Variants in CNTNAP4 observed in about 807,000 individuals in gnomAD.
CNTNAP4 encodes the protein contactin-associated protein-like 4.
CNTNAP4 carries 98 observed loss-of-function variants against 148.4 expected under a neutral mutation model. That is an observed-to-expected ratio of 0.66 (90% CI 0.56 to 0.78). CNTNAP4 has a LOEUF of 0.78. CNTNAP4 is among the 30% of genes least tolerant of loss of function. The pLI is 0.00. For synonymous variants in CNTNAP4, 730 were observed against 565.1 expected (o/e 1.29, Z -4.14); for missense variants, 1,935 against 1,565.6 (o/e 1.24, Z -3.98).
intron 4 of CNTNAP4, among the ~76,000 whole-genome samples, chr16:76,437,609 C>T (rs2145121245): frequency 6.6e-6 from 1 of 152,140 alleles, no homozygotes; most frequent in South Asian, 2.1e-4. Context: ...GAAAAAGCCC[C>T]ATTGATCACC....
At chr16:76,317,291 A>C (rs1472562048) in intron 2 of CNTNAP4, among the ~76,000 whole-genome samples, 39 of 73,498 alleles carry the variant, frequency 5.3e-4, no homozygotes, top group African/African-American at 1.5e-3. Context: ...AAAAAAAAAA[A>C]CCCAAAAAAC....
intron 18 of CNTNAP4, 27 bp from the exon 19 acceptor site, chr16:76,538,089 C>T: frequency 1.9e-6 from 2 of 1,041,394 alleles, no homozygotes; most frequent in African/African-American, 1.7e-5. Context: ...AAATTTTTAA[C>T]AAAAATATAT....
At chr16:76,432,091 T>A (rs4887858) in intron 4 of CNTNAP4, among the ~76,000 whole-genome samples, 150,448 of 152,266 alleles carry the variant, frequency 0.99, 74,351 homozygotes, top group East Asian at 1. Flanking sequence ...CTATGTTTGA[T>A]CGACTACTCA....
At chr16:76,482,701 C>T (rs1417046900) in intron 12 of CNTNAP4, among the ~76,000 whole-genome samples, 1 of 152,164 alleles carries the variant, frequency 6.6e-6, no homozygotes, top group South Asian at 2.1e-4. Flanking sequence ...CAAAACAGCC[C>T]AAACAAATGG....
At chr16:76,518,993 C>G (rs924123039) in intron 15 of CNTNAP4, among the ~76,000 whole-genome samples, 6 of 152,154 alleles carry the variant, frequency 3.9e-5, no homozygotes, top group African/African-American at 1.4e-4. Context: ...GCTCTGTTTC[C>G]TCCCTCTCTT....
At chr16:76,380,469 T>C (rs1384117578) in intron 3 of CNTNAP4, among the ~76,000 whole-genome samples, 1 of 152,226 alleles carries the variant, frequency 6.6e-6, no homozygotes, top group African/African-American at 2.4e-5. Flanking sequence ...TGCTATACTT[T>C]AAAGGGAAAT....
intron 13 of CNTNAP4, among the ~76,000 whole-genome samples, chr16:76,490,321 G>A (rs1025317364): frequency 6.6e-6 from 1 of 152,176 alleles, no homozygotes; most frequent in Non-Finnish European, 1.5e-5. Flanking sequence ...CAGCCTCTGG[G>A]TATAATGGAA....
chr16:76,382,163 C>A (rs914137475), intron 3 of CNTNAP4, among the ~76,000 whole-genome samples: 1 of 149,710 alleles, frequency 6.7e-6, no homozygotes, highest in African/African-American at 2.5e-5. Flanking sequence ...TTTTAACATG[C>A]CTTGTTTTTC....
intron 10 of CNTNAP4, 85 bp downstream of exon 10, chr16:76,467,608 T>C: frequency 9.0e-7 from 1 of 1,115,246 alleles, no homozygotes; most frequent in South Asian, 1.7e-5. Flanking sequence ...CAATTATTCT[T>C]TCCTCTTCCC....
intron 3 of CNTNAP4, among the ~76,000 whole-genome samples, chr16:76,419,932 C>T (rs1597478764): frequency 6.6e-6 from 1 of 152,104 alleles, no homozygotes; most frequent in Non-Finnish European, 1.5e-5. Flanking sequence ...CACCTCATGA[C>T]CTTATCAAAA....
At chr16:76,375,602 C>G (rs374778271) in intron 3 of CNTNAP4, among the ~76,000 whole-genome samples, 5 of 152,244 alleles carry the variant, frequency 3.3e-5, no homozygotes, top group East Asian at 3.9e-4. Context: ...GTGAATCATT[C>G]TCTTCTCTCC....
chr16:76,422,702 C>G (rs1489563473), intron 3 of CNTNAP4, among the ~76,000 whole-genome samples: 1 of 150,344 alleles, frequency 6.7e-6, no homozygotes, highest in African/African-American at 2.5e-5. Context: ...GGCACATAAC[C>G]TCTATAATTT....
chr16:76,405,378 T>C (rs1568030258), intron 3 of CNTNAP4, among the ~76,000 whole-genome samples: 2 of 152,186 alleles, frequency 1.3e-5, no homozygotes, highest in African/African-American at 2.4e-5. Context: ...TAAATTTTAG[T>C]TGACTTTTGG....
intron 3 of CNTNAP4, among the ~76,000 whole-genome samples, chr16:76,423,080 GA>G (rs1427927534): frequency 6.6e-6 from 1 of 152,138 alleles, no homozygotes; most frequent in African/African-American, 2.4e-5. Context: ...GGCATTCTAT[GA>G]AACATGAAGT....
chr16:76,321,802 A>G (rs1211107953), intron 2 of CNTNAP4, among the ~76,000 whole-genome samples: 1 of 148,042 alleles, frequency 6.8e-6, no homozygotes, highest in Non-Finnish European at 1.5e-5. Context: ...AAAAAAAAAA[A>G]AAAAACTTTA....
chr16:76,302,290 T>C (rs879742708), intron 1 of CNTNAP4, among the ~76,000 whole-genome samples: 2 of 152,144 alleles, frequency 1.3e-5, no homozygotes, highest in South Asian at 4.1e-4. Flanking sequence ...TGAAAAGAGC[T>C]GAAGGACCTA....
Position 76,357,177 on chromosome 16 carries a change from A to G in CNTNAP4, c.390+1666A>G, listed in dbSNP as rs546936510. On this transcript the variant is annotated intron_variant, in intron 3 of 23. Coordinates refer to ENST00000611870, the MANE Select transcript of CNTNAP4 (RefSeq NM_033401.5). ...AAACAGTAATTATGAACCAATAACA[A>G]TAAAAACTTAATGAGATATTTATTT... Among the ~76,000 whole-genome samples the G allele has an allele frequency of 2.0e-5, 3 of 152,328 alleles. No homozygotes were observed. The South Asian group carries it at 6.2e-4, about 32-fold the overall frequency.
intron 3 of CNTNAP4, among the ~76,000 whole-genome samples, chr16:76,413,570 A>C (rs541963148): frequency 6.6e-6 from 1 of 150,546 alleles, no homozygotes; most frequent in East Asian, 1.9e-4. Flanking sequence ...CAGTAAAAAA[A>C]AAACCCTCCA....
At chr16:76,482,496 A>G (rs1179797821) in intron 12 of CNTNAP4, among the ~76,000 whole-genome samples, 2 of 150,568 alleles carry the variant, frequency 1.3e-5, no homozygotes, top group East Asian at 3.9e-4. Context: ...CTGAGGAGGC[A>G]TTTGAATATG....
Sources: gnomAD v4.1 joint callset for allele counts (sites outside exome capture counted in the v4.1 genomes callset) on GRCh38, gnomAD v4.1.1 for gene constraint, MANE v1.5 for transcripts, NCBI Gene and HGNC (gene_info 2026-07-23, HGNC 2026-07-21) for gene names.